Variants in NWD2 observed in about 807,000 individuals in gnomAD.
The protein encoded by NWD2 is NACHT and WD repeat domain-containing protein 2.
NWD2 carries 37 observed loss-of-function variants against 132.7 expected under a neutral mutation model. That is an observed-to-expected ratio of 0.28 (90% CI 0.21 to 0.37). The LOEUF is 0.37. Among genes scored for constraint, NWD2 ranks in the 10% least tolerant of loss-of-function variants. The pLI is 1.00. For missense variants in NWD2, 1,592 were observed against 2,122.4 expected (o/e 0.75, Z 4.91); for synonymous variants, 705 against 803.0 (o/e 0.88, Z 2.06).
chr4:37,245,300 A>G, intron 1 of NWD2, 82 bp downstream of exon 1: 1 of 1,402,190 alleles, frequency 7.1e-7, no homozygotes, highest in Non-Finnish European at 9.4e-7. Flanking sequence ...TCCGCCCCAC[A>G]GCCCGGTGCG....
At chr4:37,275,786 G>A (rs1335189443) in intron 1 of NWD2, among the ~76,000 whole-genome samples, 1 of 152,020 alleles carries the variant, frequency 6.6e-6, no homozygotes. Flanking sequence ...GCCCTCAGAA[G>A]TAAGGCCACG....
chr4:37,293,877 A>C (rs1198638058), intron 1 of NWD2, among the ~76,000 whole-genome samples: 1 of 111,006 alleles, frequency 9.0e-6, no homozygotes, highest in East Asian at 2.3e-4. Flanking sequence ...CCCAGGGCAC[A>C]CTGCATTTAA....
At chr4:37,245,456 C>T (rs940150891) in intron 1 of NWD2, among the ~76,000 whole-genome samples, 3 of 152,116 alleles carry the variant, frequency 2.0e-5, no homozygotes, top group Non-Finnish European at 2.9e-5. Flanking sequence ...GGTTATTCCC[C>T]TGGGTCAATC....
intron 1 of NWD2, among the ~76,000 whole-genome samples, chr4:37,259,838 C>G (rs1717592711): frequency 6.6e-6 from 1 of 152,218 alleles, no homozygotes; most frequent in Non-Finnish European, 1.5e-5. Context: ...AGAAGGATGT[C>G]TTCCTCCCCT....
rs1401005590 is a variant in NWD2 at position 37,444,668 on chromosome 4, A to C, written c.2680A>C (p.Asn894His). 3 of 1,552,216 alleles carry C rather than the reference A, an allele frequency of 1.9e-6. No individual in the cohort carries two copies. Among genetic ancestry groups the C allele is most frequent in the South Asian group, 1.2e-5 (1 of 84,056 alleles). ...AGAGAAGGAGCTGAAGTTCCTGGCC[A>C]ACACCCTCCGCAGCATCAAAAACAA... ...SQEKELKFLA[N>H]TLRSIKNKVT... Residue 894 changes from asparagine to histidine, a missense_variant, in exon 7 of 7, where the codon AAC becomes CAC. Around this residue, in one of 7 missense-constraint regions of NWD2, gnomAD observed 1,071 missense variants for 1,398.0 expected, o/e 0.77. Transcript: ENST00000309447. The surrounding 1 kb of genome is among the most constrained non-coding windows in gnomAD (Gnocchi z 4.8).
intron 1 of NWD2, among the ~76,000 whole-genome samples, chr4:37,310,245 G>C (rs1285590933): frequency 2.0e-5 from 3 of 152,166 alleles, no homozygotes; most frequent in Non-Finnish European, 4.4e-5. Flanking sequence ...TGGCCTGTCT[G>C]TGTGTTATTT....
chr4:37,299,559 T>A (rs1291298693), intron 1 of NWD2, among the ~76,000 whole-genome samples: 16 of 152,112 alleles, frequency 1.1e-4, no homozygotes. Flanking sequence ...GGTATCTCAG[T>A]TTTGACCCTG....
chr4:37,445,462 C>T lies in NWD2; in HGVS notation c.3474C>T (p.Val1158=). 1 of 1,551,742 alleles carries T rather than the reference C, an allele frequency of 6.4e-7. No homozygotes were observed. Among genetic ancestry groups the T allele is most frequent in the Non-Finnish European group, 8.7e-7 (1 of 1,147,024 alleles). Residue 1158 remains valine (V), a synonymous_variant, in exon 7 of 7, where the codon GTC becomes GTT. Transcript: ENST00000309447. This position sits in a 1 kb window ranked among gnomAD's most constrained non-coding sequence, Gnocchi z 4.7. ...LLILDTAQEM[V]MVDSEGSLSV... is the part of the protein sequence containing the mutation. ...TCTTGGACACAGCTCAGGAAATGGT[C>T]ATGGTAGACAGTGAAGGAAGTCTTT...
chr4:37,433,796 T>C (rs1215180618), intron 4 of NWD2, 80 bp from the exon 5 acceptor site: 1 of 1,186,688 alleles, frequency 8.4e-7, no homozygotes, highest in Non-Finnish European at 1.2e-6. Flanking sequence ...GGCCTTCAAA[T>C]AATAGAAATT....
At chr4:37,280,668 A>G (rs1254769606) in intron 1 of NWD2, among the ~76,000 whole-genome samples, 1 of 152,124 alleles carries the variant, frequency 6.6e-6, no homozygotes, top group South Asian at 2.1e-4. Flanking sequence ...TTAACTCTAG[A>G]GGGTTTAAGA....
chr4:37,357,534 C>T (rs1006211031), intron 3 of NWD2, among the ~76,000 whole-genome samples: 3 of 152,058 alleles, frequency 2.0e-5, no homozygotes, highest in Non-Finnish European at 4.4e-5. Context: ...TGAGTGCTAC[C>T]GTGTGCCAAG....
intron 3 of NWD2, among the ~76,000 whole-genome samples, chr4:37,359,246 A>G (rs1213973874): frequency 6.6e-6 from 1 of 152,216 alleles, no homozygotes; most frequent in Non-Finnish European, 1.5e-5. Context: ...GAGCATAAAC[A>G]AATCATTTAT....
intron 3 of NWD2, among the ~76,000 whole-genome samples, chr4:37,393,196 T>TGG (rs3064360): frequency 0.92 from 138,948 of 151,692 alleles, 63,615 homozygotes; most frequent in East Asian, 0.99. Flanking sequence ...ATCCGGGGGT[T>TGG]GGGGGGAGAC....
intron 1 of NWD2, among the ~76,000 whole-genome samples, chr4:37,271,775 G>A (rs1377753852): frequency 6.6e-6 from 1 of 151,734 alleles, no homozygotes; most frequent in Non-Finnish European, 1.5e-5. Context: ...ATCTCTGGTT[G>A]AGTTTATCAT....
In NWD2 at chr4:37,325,968, A is replaced by G. The variant is rs1478853669; in HGVS notation, c.184A>G (p.Asn62Asp). 2.6e-6 allele frequency: 4 copies of G among 1,549,016 alleles called. No individual in the cohort carries two copies. The highest frequency in any genetic ancestry group is 2.6e-6 in the Non-Finnish European group (3 of 1,144,782). Residue 62 changes from asparagine (N) to aspartate (D), a missense_variant, in exon 2 of 7, where the codon AAT becomes GAT. Physicochemically the swap from Asn to Asp is conservative, Grantham distance 23. Transcript: ENST00000309447. ...TGAERQALRENVYPKLREFCR... is the reference protein window; with the variant it reads ...TGAERQALREDVYPKLREFCR... ...AGCAGAAAGACAGGCGCTAAGAGAA[A>G]ATGTATATCCTAAACTGAGAGAATT...
At chr4:37,256,756 ATCCAAAGCTCTCTCTC>A in intron 1 of NWD2, among the ~76,000 whole-genome samples, 2 of 152,316 alleles carry the variant, frequency 1.3e-5, no homozygotes, top group East Asian at 3.9e-4. Flanking sequence ...GAAAAGAAAG[ATCCAAAGCTCTCTCTC>A]TCCTCTAAGA....
intron 3 of NWD2, among the ~76,000 whole-genome samples, chr4:37,405,911 A>G (rs1394569209): frequency 6.6e-6 from 1 of 152,242 alleles, no homozygotes; most frequent in Non-Finnish European, 1.5e-5. Context: ...GGCTTAGCAT[A>G]GCCACCCAGG....
intron 3 of NWD2, among the ~76,000 whole-genome samples, chr4:37,410,784 T>C (rs13151753): frequency 0.55 from 84,278 of 151,986 alleles, 24,383 homozygotes; most frequent in East Asian, 0.76. Flanking sequence ...ACAGAAATCA[T>C]AACAAACTGT....
chr4:37,260,484 C>T (rs924380062), intron 1 of NWD2, among the ~76,000 whole-genome samples: 2 of 152,104 alleles, frequency 1.3e-5, no homozygotes, highest in African/African-American at 4.8e-5. Context: ...TGCATCTACT[C>T]GATTGCCTGA....
Sources: gnomAD v4.1 joint callset for allele counts (sites outside exome capture counted in the v4.1 genomes callset) on GRCh38, gnomAD v4.1.1 for gene constraint, gnomAD v4.1.1 regional missense constraint, Gnocchi (gnomAD v3.1) non-coding constraint, MANE v1.5 for transcripts, NCBI Gene and HGNC (gene_info 2026-07-23, HGNC 2026-07-21) for gene names.